The following SMYD3 variants were observed in gnomAD, a reference collection of about 807,000 sequenced individuals.
The protein encoded by SMYD3 is SET and MYND domain containing 3.
Under a neutral mutation model 57.7 loss-of-function variants are expected in SMYD3, and 36 were observed. The ratio of observed to expected loss-of-function variants is 0.62; its 90% CI spans 0.48 to 0.82. The LOEUF (loss-of-function observed/expected upper bound fraction) is 0.82. SMYD3 is among the 40% of genes least tolerant of loss of function. The pLI is 0.00. For synonymous variants in SMYD3, 211 were observed against 195.0 expected, an observed-to-expected ratio of 1.08 and a Z score of -0.68; for missense variants, 515 against 538.8, an observed-to-expected ratio of 0.96 and a Z score of 0.44.
intron 5 of SMYD3, among the ~76,000 whole-genome samples, chr1:246,293,625 A>G (rs1451093195): frequency 1.3e-5 from 2 of 152,162 alleles, no homozygotes; most frequent in Non-Finnish European, 2.9e-5. Flanking sequence ...TCAGAAGAAG[A>G]GCGTCTATCC....
At chr1:245,956,205 A>T (rs550293561) in intron 5 of SMYD3, 1 of 262,714 alleles carries the variant, frequency 3.8e-6, no homozygotes, top group Admixed American at 6.5e-5. Flanking sequence ...GGCGTGAGCC[A>T]CAGTATTCAG....
intron 5 of SMYD3, among the ~76,000 whole-genome samples, chr1:246,131,426 T>C (rs1013906019): frequency 3.9e-5 from 6 of 152,184 alleles, no homozygotes; most frequent in African/African-American, 1.4e-4. Context: ...AGACAGGACT[T>C]TGAGTGCCTG....
intron 1 of SMYD3, among the ~76,000 whole-genome samples, chr1:246,357,636 A>T (rs2065928129): frequency 6.6e-6 from 1 of 152,194 alleles, no homozygotes; most frequent in African/African-American, 2.4e-5. Context: ...AAACCCTATA[A>T]GCTAGAAGGG....
intron 5 of SMYD3, among the ~76,000 whole-genome samples, chr1:246,129,405 A>T (rs757576910): frequency 8.3e-6 from 1 of 120,856 alleles, no homozygotes; most frequent in African/African-American, 4.0e-5. Flanking sequence ...CAAATACAGT[A>T]AAAAAAAAAA....
intron 11 of SMYD3, among the ~76,000 whole-genome samples, chr1:245,750,387 T>G (rs1416221642): frequency 6.6e-6 from 1 of 152,208 alleles, no homozygotes; most frequent in Non-Finnish European, 1.5e-5. Flanking sequence ...GTACAGGCAC[T>G]CTGGCTGGCA....
intron 5 of SMYD3, among the ~76,000 whole-genome samples, chr1:246,280,770 C>A (rs1409460902): frequency 6.6e-6 from 1 of 152,136 alleles, no homozygotes; most frequent in Non-Finnish European, 1.5e-5. Flanking sequence ...CTGACCCCTG[C>A]TGGCCTCATC....
rs536279515 is a variant in SMYD3, at chr1:246,002,254, G to A, written c.532-72317C>T. ...GGCTGGAGTGCTGTGGCGCGATCTCGGCTCACTGCAAGCTCCGCCTCCCGG... is the reference window on the plus strand; with the variant it reads ...GGCTGGAGTGCTGTGGCGCGATCTCAGCTCACTGCAAGCTCCGCCTCCCGG... On this transcript the variant is annotated intron_variant, in intron 5 of 11. Transcript: ENST00000490107. 1.4e-3 allele frequency among the ~76,000 whole-genome samples: 194 copies of A among 139,774 alleles called. 1 individual carries two copies. The highest frequency in any genetic ancestry group is 2.0e-3 in the Non-Finnish European group (127 of 63,452). The allele number at this position is 139,774 out of a possible 152,430, so 91.7% of individuals were successfully genotyped here.
At chr1:246,379,295 C>A (rs1288864206) in intron 1 of SMYD3, among the ~76,000 whole-genome samples, 1 of 151,938 alleles carries the variant, frequency 6.6e-6, no homozygotes, top group East Asian at 1.9e-4. Context: ...TCATTCTTGG[C>A]TCACAGGAGT....
intron 1 of SMYD3, among the ~76,000 whole-genome samples, chr1:246,437,892 A>C (rs536624681): frequency 6.6e-6 from 1 of 152,254 alleles, no homozygotes. Context: ...TAAAAAACAC[A>C]TAACAGCTGA....
chr1:246,384,697 T>G (rs1289764668), intron 1 of SMYD3, among the ~76,000 whole-genome samples: 1 of 152,146 alleles, frequency 6.6e-6, no homozygotes, highest in Admixed American at 6.5e-5. Flanking sequence ...GCACCTGGTC[T>G]AAAAATAGAA....
intron 11 of SMYD3, among the ~76,000 whole-genome samples, chr1:245,750,044 C>A (rs905362768): frequency 1.3e-5 from 2 of 152,134 alleles, no homozygotes; most frequent in African/African-American, 4.8e-5. Flanking sequence ...ACACTCCATT[C>A]AATTCTCATC....
chr1:245,821,841 A>T (rs1468543896), intron 10 of SMYD3, among the ~76,000 whole-genome samples: 5 of 151,308 alleles, frequency 3.3e-5, no homozygotes, highest in African/African-American at 7.3e-5. Context: ...TCAAAACCAC[A>T]ATGAGATACC....
At chr1:246,147,458 C>T (rs2061867989) in intron 5 of SMYD3, among the ~76,000 whole-genome samples, 1 of 152,098 alleles carries the variant, frequency 6.6e-6, no homozygotes, top group African/African-American at 2.4e-5. Flanking sequence ...GTAATTCCAT[C>T]TATTGATGGC....
rs1770027 is a variant in SMYD3, at chr1:246,252,286, A to G, written c.531+74915T>C. Among the ~76,000 whole-genome samples the G allele has an allele frequency of 2.3e-4, 33 of 144,914 alleles. 1 individual carries two copies. Among genetic ancestry groups the G allele is most frequent in the African/African-American group, 5.5e-4 (21 of 38,136 alleles). On this transcript the variant is annotated intron_variant, in intron 5 of 11. Coordinates refer to ENST00000490107, the MANE Select transcript of SMYD3 (RefSeq NM_001167740.2). ...GTGCCCGGCTTTAGTAGGTGCCTCA[A>G]ACACTGTGCCCACGTACTCTGAATG...
At chr1:246,020,486 G>A (rs762244028) in intron 5 of SMYD3, among the ~76,000 whole-genome samples, 2 of 152,098 alleles carry the variant, frequency 1.3e-5, no homozygotes, top group African/African-American at 4.8e-5. Flanking sequence ...CTTGGTATTC[G>A]AAACTTTAAC....
intron 1 of SMYD3, among the ~76,000 whole-genome samples, chr1:246,396,183 G>C (rs1183508064): frequency 6.6e-6 from 1 of 152,144 alleles, no homozygotes; most frequent in African/African-American, 2.4e-5. Flanking sequence ...AGTATGAGTT[G>C]CTCATATATA....
chr1:246,021,745 T>C (rs891170476), intron 5 of SMYD3, among the ~76,000 whole-genome samples: 2 of 152,200 alleles, frequency 1.3e-5, no homozygotes, highest in Non-Finnish European at 1.5e-5. Flanking sequence ...AAATTTTACA[T>C]AGCAAGTTTT....
intron 5 of SMYD3, among the ~76,000 whole-genome samples, chr1:246,212,266 C>T (rs1014789629): frequency 1.3e-5 from 2 of 151,752 alleles, no homozygotes; most frequent in African/African-American, 4.8e-5. Flanking sequence ...AAGATGCCAA[C>T]AAAAGATATT....
intron 5 of SMYD3, among the ~76,000 whole-genome samples, chr1:246,139,632 T>A (rs373094062): frequency 6.6e-6 from 1 of 152,254 alleles, no homozygotes; most frequent in Non-Finnish European, 1.5e-5. Context: ...TCTGATTTTA[T>A]AGTTACACAT....
Sources: allele counts gnomAD v4.1 joint callset (sites outside exome capture counted in the v4.1 genomes callset), GRCh38; gene constraint gnomAD v4.1.1; transcripts MANE v1.5; gene names NCBI Gene and HGNC (gene_info 2026-07-23, HGNC 2026-07-21).